The following HDAC9 variants were observed in gnomAD, a reference collection of about 807,000 sequenced individuals.
HDAC9 encodes histone deacetylase 9.
A neutral mutation model predicts 139.4 loss-of-function variants in HDAC9; 41 were observed. The observed-to-expected ratio is 0.29, with a 90% CI of 0.23 to 0.38. The LOEUF (loss-of-function observed/expected upper bound fraction) is 0.38. HDAC9 is among the 10% of genes least tolerant of loss of function. The pLI is 1.00. For missense variants in HDAC9, 1,147 were observed against 1,297.0 expected (o/e 0.88, Z 1.78); for synonymous variants, 517 against 476.2 (o/e 1.09, Z -1.12).
At chr7:18,789,057 G>A (rs771381797) in intron 16 of HDAC9, among the ~76,000 whole-genome samples, 6 of 152,108 alleles carry the variant, frequency 3.9e-5, no homozygotes, top group East Asian at 1.9e-4. Flanking sequence ...ATATTCTTTC[G>A]ATGCTATCAC....
At chr7:18,956,641 T>C (rs1441973339) in intron 24 of HDAC9, among the ~76,000 whole-genome samples, 1 of 152,146 alleles carries the variant, frequency 6.6e-6, no homozygotes. Flanking sequence ...AACAATGCAC[T>C]CTTCACATCT....
intron 2 of HDAC9, among the ~76,000 whole-genome samples, chr7:18,509,736 A>G (rs1800889133): frequency 1.3e-5 from 2 of 151,846 alleles, no homozygotes; most frequent in Non-Finnish European, 2.9e-5. Context: ...ATACTTCCCT[A>G]ATTACGTGTA....
rs185146538 is a variant in HDAC9 at position 18,097,532 on chromosome 7, T to C, written c.-97+10319T>C. 2.1e-3 allele frequency among the ~76,000 whole-genome samples: 315 copies of C among 151,920 alleles called. 1 individual carries two copies. Among genetic ancestry groups the C allele is most frequent in the South Asian group, 6.9e-3 (33 of 4,804 alleles). On this transcript the variant is annotated intron_variant, in intron 1 of 12. Coordinates refer to the HDAC9 transcript ENST00000417496. The stretch of plus-strand genomic sequence containing the variant: ...TTGTCTTTCTGTTTTAGTCCTTTTT[T>C]CCCCTAATAAACCATTTAAACTTGG...
intron 22 of HDAC9, chr7:18,907,065 G>A (rs1320977653): frequency 6.6e-6 from 1 of 152,182 alleles, no homozygotes; most frequent in African/African-American, 2.4e-5. Flanking sequence ...CCAGCTGCAA[G>A]TGCATCCAAA....
intron 1 of HDAC9, among the ~76,000 whole-genome samples, chr7:18,418,407 T>C (rs2128750300): frequency 1.4e-5 from 2 of 139,978 alleles, no homozygotes; most frequent in Admixed American, 1.4e-4. Flanking sequence ...TTTTAAAAAT[T>C]GGAAAAGTAT....
At chr7:18,513,905 A>G (rs1448430762) in intron 2 of HDAC9, among the ~76,000 whole-genome samples, 2 of 152,236 alleles carry the variant, frequency 1.3e-5, no homozygotes, top group African/African-American at 2.4e-5. Flanking sequence ...CTGCTAGTTT[A>G]TAATCCTACA....
At chr7:18,417,026 C>T in intron 1 of HDAC9, among the ~76,000 whole-genome samples, 1 of 152,088 alleles carries the variant, frequency 6.6e-6, no homozygotes, top group South Asian at 2.1e-4. Context: ...TTTAGATATC[C>T]TTCAAATATT....
intron 2 of HDAC9, among the ~76,000 whole-genome samples, chr7:18,212,394 G>A (rs1460195344): frequency 6.6e-6 from 1 of 152,100 alleles, no homozygotes; most frequent in Non-Finnish European, 1.5e-5. Flanking sequence ...CCCTGTCTGT[G>A]ATGAGACAGC....
chr7:18,527,938 C>T (rs921112189), intron 2 of HDAC9, among the ~76,000 whole-genome samples: 1 of 152,058 alleles, frequency 6.6e-6, no homozygotes, highest in Non-Finnish European at 1.5e-5. Flanking sequence ...TCCATAAAAA[C>T]TGGATTTAAT....
chr7:18,259,858 C>A (rs1795528835), intron 2 of HDAC9, among the ~76,000 whole-genome samples: 1 of 152,138 alleles, frequency 6.6e-6, no homozygotes, highest in African/African-American at 2.4e-5. Context: ...AATCTTACCT[C>A]TTTTAGAAAC....
At chr7:18,573,719 G>A (rs1825046035) in intron 2 of HDAC9, among the ~76,000 whole-genome samples, 1 of 152,234 alleles carries the variant, frequency 6.6e-6, no homozygotes, top group Non-Finnish European at 1.5e-5. Context: ...ATGTGAGGAG[G>A]CTGAGGCTGG....
intron 2 of HDAC9, among the ~76,000 whole-genome samples, chr7:18,282,091 A>G (rs906378300): frequency 6.6e-6 from 1 of 152,172 alleles, no homozygotes; most frequent in Non-Finnish European, 1.5e-5. Flanking sequence ...AGAAATATTG[A>G]AAGAAACACA....
chr7:18,981,070 C>G (rs747604978), intron 25 of HDAC9, among the ~76,000 whole-genome samples: 10 of 151,978 alleles, frequency 6.6e-5, no homozygotes, highest in African/African-American at 2.4e-4. Context: ...ATGATCAGCC[C>G]ACTTCTGCCT....
intron 1 of HDAC9, among the ~76,000 whole-genome samples, chr7:18,424,591 A>T (rs551930592): frequency 6.6e-6 from 1 of 152,274 alleles, no homozygotes; most frequent in Admixed American, 6.5e-5. Context: ...ATCTAATGAG[A>T]TATTCTTCTT....
At chr7:18,536,011 G>A (rs1037406178) in intron 2 of HDAC9, among the ~76,000 whole-genome samples, 2 of 152,078 alleles carry the variant, frequency 1.3e-5, no homozygotes, top group Admixed American at 6.5e-5. Flanking sequence ...TATGTTCCCC[G>A]GCCTGGCTCT....
At chr7:18,820,488 T>C (rs781491819) in intron 17 of HDAC9, among the ~76,000 whole-genome samples, 1 of 152,304 alleles carries the variant, frequency 6.6e-6, no homozygotes, top group South Asian at 2.1e-4. Context: ...AAGCACAAAA[T>C]ATTTTATGTG....
intron 2 of HDAC9, among the ~76,000 whole-genome samples, chr7:18,180,628 T>C (rs903366323): frequency 6.6e-5 from 10 of 152,186 alleles, no homozygotes; most frequent in African/African-American, 2.4e-4. Flanking sequence ...GAAATACCTG[T>C]TGGAAACCCC....
chr7:18,573,857 C>T (rs1391581579), intron 2 of HDAC9, among the ~76,000 whole-genome samples: 1 of 152,224 alleles, frequency 6.6e-6, no homozygotes, highest in Non-Finnish European at 1.5e-5. Context: ...AGCCCCCTGG[C>T]TCAGGGAGCC....
intron 17 of HDAC9, among the ~76,000 whole-genome samples, chr7:18,817,989 G>T (rs1794696755): frequency 6.6e-6 from 1 of 152,164 alleles, no homozygotes; most frequent in Non-Finnish European, 1.5e-5. Flanking sequence ...AATTGATAAT[G>T]CATCGATATG....
Sources: allele counts gnomAD v4.1 joint callset (sites outside exome capture counted in the v4.1 genomes callset), GRCh38; gene constraint gnomAD v4.1.1; transcripts MANE v1.5; gene names NCBI Gene and HGNC (gene_info 2026-07-23, HGNC 2026-07-21).